Variants in TFDP2 observed in about 807,000 individuals in gnomAD.
The protein encoded by TFDP2 is transcription factor Dp-2.
TFDP2 carries 17 observed loss-of-function variants against 59.3 expected under a neutral mutation model. The observed-to-expected ratio is 0.29, with a 90% CI of 0.20 to 0.43. TFDP2 has a LOEUF of 0.43. Among genes scored for constraint, TFDP2 ranks in the 20% least tolerant of loss-of-function variants. The pLI is 1.00. For synonymous variants in TFDP2, 180 were observed against 194.7 expected (o/e 0.92, Z 0.63); for missense variants, 391 against 528.8 (o/e 0.74, Z 2.56).
At chr3:142,101,890 A>T (rs955536795) in intron 1 of TFDP2, 49 bp from the exon 2 acceptor site, 23 of 466,652 alleles carry the variant, frequency 4.9e-5, no homozygotes, top group African/African-American at 2.5e-4. Context: ...AATAATAGGC[A>T]ACATTTATGT....
intron 11 of TFDP2, among the ~76,000 whole-genome samples, chr3:141,958,781 G>A (rs558532506): frequency 1.4e-4 from 22 of 152,164 alleles, no homozygotes; most frequent in Middle Eastern, 6.8e-3. Context: ...GAGGAGCAGC[G>A]TACACAAATG....
chr3:142,069,810 T>C (rs1355241852), intron 3 of TFDP2, among the ~76,000 whole-genome samples: 1 of 151,800 alleles, frequency 6.6e-6, no homozygotes, highest in Non-Finnish European at 1.5e-5. Flanking sequence ...GGTTTCACCA[T>C]GTTGGCCAGG....
At chr3:142,027,512 C>T (rs1413017510) in intron 3 of TFDP2, among the ~76,000 whole-genome samples, 1 of 151,956 alleles carries the variant, frequency 6.6e-6, no homozygotes, top group Non-Finnish European at 1.5e-5. Flanking sequence ...CTCCCACTCC[C>T]GCTCCCCACC....
intron 6 of TFDP2, 58 bp downstream of exon 6, chr3:141,993,480 C>A: frequency 8.8e-7 from 1 of 1,134,668 alleles, no homozygotes; most frequent in Non-Finnish European, 1.3e-6. Context: ...AGTGGCAATG[C>A]CAACAGCCTC....
At chr3:142,143,672 G>T (rs748975649) in intron 1 of TFDP2, among the ~76,000 whole-genome samples, 1 of 152,092 alleles carries the variant, frequency 6.6e-6, no homozygotes, top group Non-Finnish European at 1.5e-5. Context: ...GCTGATCATC[G>T]AAGAAATGCA....
At chr3:142,023,985 G>C (rs938769420) in intron 3 of TFDP2, among the ~76,000 whole-genome samples, 1 of 152,006 alleles carries the variant, frequency 6.6e-6, no homozygotes, top group Non-Finnish European at 1.5e-5. Flanking sequence ...ATTTTTTGTA[G>C]AGACAGGATT....
rs1935072125 is a variant in TFDP2 at position 141,944,825 on chromosome 3, CA to C, written c.*7687del. The C allele has an allele frequency of 2.0e-5, 3 of 152,134 alleles. No individual in the cohort carries two copies. The South Asian group carries it at 6.2e-4, about 31-fold the overall frequency. The allele number at this position is 152,134 out of a possible 1,614,324, so 9.4% of individuals were successfully genotyped here. A position where few individuals can be genotyped will look rare whatever the true frequency, so the allele number is the denominator to read the frequency against. ...AGAAATAGCTCTTCTATAAAATTTC[CA>C]TATAAAAATAATGGCATTTATTTAC... On this transcript the variant is annotated 3_prime_UTR_variant, in exon 13 of 13. Coordinates refer to ENST00000489671, the MANE Select transcript of TFDP2 (RefSeq NM_001178139.2).
At chr3:142,105,525 C>T (rs894961557) in intron 1 of TFDP2, among the ~76,000 whole-genome samples, 1 of 152,156 alleles carries the variant, frequency 6.6e-6, no homozygotes, top group Admixed American at 6.5e-5. Flanking sequence ...TGTCTCCGGG[C>T]ATCTGCTCCA....
At chr3:141,954,032 T>C (rs1277011835) in intron 11 of TFDP2, among the ~76,000 whole-genome samples, 1 of 151,942 alleles carries the variant, frequency 6.6e-6, no homozygotes, top group African/African-American at 2.4e-5. Context: ...TTGTGGTGCA[T>C]GCCTGTAATC....
chr3:142,101,204 G>A (rs1335706599), intron 2 of TFDP2, among the ~76,000 whole-genome samples: 1 of 152,050 alleles, frequency 6.6e-6, no homozygotes, highest in Non-Finnish European at 1.5e-5. Context: ...TTGAAAGGAG[G>A]TATATTCAGA....
intron 3 of TFDP2, among the ~76,000 whole-genome samples, chr3:142,009,596 C>G (rs1250579277): frequency 1.3e-5 from 2 of 151,626 alleles, no homozygotes; most frequent in Non-Finnish European, 2.9e-5. Flanking sequence ...CCTGTAATCC[C>G]AGCTACTTGG....
chr3:142,016,136 C>A (rs1004527249), intron 3 of TFDP2, among the ~76,000 whole-genome samples: 1 of 151,458 alleles, frequency 6.6e-6, no homozygotes, highest in African/African-American at 2.4e-5. Flanking sequence ...CTCAGCCTCC[C>A]GAGTAGCTGG....
chr3:142,018,891 C>T (rs1945352783), intron 3 of TFDP2, among the ~76,000 whole-genome samples: 2 of 144,708 alleles, frequency 1.4e-5, no homozygotes, highest in African/African-American at 2.6e-5. Context: ...GTAAATGTTC[C>T]TTCCTGAAAA....
intron 3 of TFDP2, among the ~76,000 whole-genome samples, chr3:142,018,222 G>A (rs1945292260): frequency 6.6e-6 from 1 of 152,010 alleles, no homozygotes; most frequent in South Asian, 2.1e-4. Context: ...AGGATTACAG[G>A]CGTCAGCCAC....
intron 1 of TFDP2, among the ~76,000 whole-genome samples, chr3:142,148,112 T>G: frequency 7.4e-6 from 1 of 135,676 alleles, no homozygotes; most frequent in East Asian, 2.0e-4. Flanking sequence ...AGAAAACACA[T>G]GGCCCAGAAA....
At chr3:142,097,731 T>C (rs1035139278) in intron 2 of TFDP2, among the ~76,000 whole-genome samples, 1 of 152,094 alleles carries the variant, frequency 6.6e-6, no homozygotes, top group African/African-American at 2.4e-5. Flanking sequence ...GTTCCAGAGA[T>C]ATCAAGATAA....
chr3:142,106,559 G>A (rs1212108625), intron 1 of TFDP2, among the ~76,000 whole-genome samples: 2 of 152,174 alleles, frequency 1.3e-5, no homozygotes, highest in African/African-American at 2.4e-5. Flanking sequence ...TCAAGAAGTT[G>A]CCATCTTTGG....
In TFDP2 at chr3:141,963,684, T is replaced by G. The variant is rs1937576610; in HGVS notation, c.884+128A>C. 3 of 1,081,524 alleles carry G rather than the reference T, an allele frequency of 2.8e-6. No homozygotes were observed. The Admixed American group carries it at 7.4e-5, about 27-fold the overall frequency. 67.0% of individuals were successfully genotyped at this position (1,081,524 alleles called of 1,614,324 possible). On this transcript the variant is annotated intron_variant, in intron 10 of 12. Transcript: ENST00000489671. ...TTGCACCCATGGTTCAGGAGGTGTT[T>G]CATGTGCCCCAAGGAAGCCAGCCTT... is the stretch of plus-strand genomic sequence containing the variant.
chr3:142,076,122 A>T (rs963268698), intron 3 of TFDP2, among the ~76,000 whole-genome samples: 2 of 150,854 alleles, frequency 1.3e-5, no homozygotes, highest in Non-Finnish European at 3.0e-5. Flanking sequence ...GAGGCAAGAG[A>T]ATCACTTGAA....
Sources: allele counts gnomAD v4.1 joint callset (sites outside exome capture counted in the v4.1 genomes callset), GRCh38; gene constraint gnomAD v4.1.1; transcripts MANE v1.5; gene names NCBI Gene and HGNC (gene_info 2026-07-23, HGNC 2026-07-21).